Variants in CELF2 observed in about 807,000 individuals in gnomAD.
The protein encoded by CELF2 is CUG triplet repeat RNA-binding protein 2.
CELF2 carries 8 observed loss-of-function variants against 62.6 expected under a neutral mutation model. That is an observed-to-expected ratio of 0.13 (90% CI 0.07 to 0.23). The LOEUF is 0.23. Ranked by LOEUF, CELF2 falls within the 10% of genes least tolerant of loss-of-function variation. The pLI is 1.00. For synonymous variants in CELF2, 258 were observed against 250.0 expected, an observed-to-expected ratio of 1.03 and a Z score of -0.30; for missense variants, 333 against 671.0, an observed-to-expected ratio of 0.50 and a Z score of 5.56.
At chr10:10,791,671 T>C in the CELF2 span, among the ~76,000 whole-genome samples, 1 of 152,214 alleles carries the variant, frequency 6.6e-6, no homozygotes, top group Non-Finnish European at 1.5e-5. Flanking sequence ...TAAAAGTCTC[T>C]GTGAATTGTT....
the CELF2 span, among the ~76,000 whole-genome samples, chr10:10,773,308 C>A: frequency 3.9e-5 from 6 of 152,284 alleles, no homozygotes; most frequent in East Asian, 1.9e-4. Flanking sequence ...TAGGCACAAA[C>A]AAAAAGCTAT....
At chr10:10,686,304 AT>A in the CELF2 span, among the ~76,000 whole-genome samples, 5 of 36,598 alleles carry the variant, frequency 1.4e-4, no homozygotes, top group Admixed American at 3.0e-4. Flanking sequence ...GGGTTTTTGG[AT>A]TTTTTGGGGG....
intron 1 of CELF2, among the ~76,000 whole-genome samples, chr10:11,119,904 T>C (rs1180311315): frequency 1.4e-5 from 2 of 146,242 alleles, no homozygotes; most frequent in East Asian, 4.7e-4. Context: ...ATTGACATAT[T>C]ATTTGCATAT....
At position 10,997,299 on chromosome 10, in the gene CELF2, C is replaced by T. The variant is rs181889573; in HGVS notation, c.89+77300C>T. On this transcript the variant is annotated intron_variant, in intron 2 of 13. Transcript: ENST00000636488. The surrounding 1 kb of genome is among the most constrained non-coding windows in gnomAD (Gnocchi z 5.3). ...CCTGAGCAACAGAGCAAGACACCAT[C>T]TCTGAAAAAGTATAAAAAATGAAAA... Among the ~76,000 whole-genome samples, 43 of 152,308 alleles carry T rather than the reference C, an allele frequency of 2.8e-4. No homozygotes were observed. In the East Asian group the frequency reaches 7.5e-3, roughly 27 times the overall value.
At chr10:10,464,654 C>A in the CELF2 span, among the ~76,000 whole-genome samples, 1 of 152,046 alleles carries the variant, frequency 6.6e-6, no homozygotes, top group African/African-American at 2.4e-5. Context: ...GCTAGCAACA[C>A]CATTAAATGT....
chr10:10,569,489 G>A, the CELF2 span, among the ~76,000 whole-genome samples: 1 of 152,118 alleles, frequency 6.6e-6, no homozygotes, highest in African/African-American at 2.4e-5. Context: ...AATTATGGGA[G>A]CTACAATTCA....
chr10:11,155,557 TTC>T (rs1241001040), intron 1 of CELF2, among the ~76,000 whole-genome samples: 4 of 152,202 alleles, frequency 2.6e-5, no homozygotes, highest in Admixed American at 2.6e-4. Flanking sequence ...TGACATACGT[TTC>T]TGTCTGCTCT....
intron 2 of CELF2, chr10:10,937,319 A>G (rs892203579): frequency 1.3e-5 from 2 of 151,124 alleles, no homozygotes; most frequent in African/African-American, 4.9e-5. Context: ...TTTAGTAGAG[A>G]CAGGGTTTCC....
chr10:11,074,095 T>C (rs2071071080), intron 1 of CELF2, among the ~76,000 whole-genome samples: 1 of 152,206 alleles, frequency 6.6e-6, no homozygotes, highest in Non-Finnish European at 1.5e-5. Context: ...CTAAAGTATA[T>C]ACGAGTATGT....
chr10:10,575,272 T>A, the CELF2 span, among the ~76,000 whole-genome samples: 5 of 152,170 alleles, frequency 3.3e-5, no homozygotes, highest in African/African-American at 9.7e-5. Flanking sequence ...GGGTGTTAGA[T>A]GTAGAATAAG....
chr10:10,613,836 C>T, the CELF2 span, among the ~76,000 whole-genome samples: 10 of 152,054 alleles, frequency 6.6e-5, no homozygotes, highest in African/African-American at 1.7e-4. Context: ...AAAATAGAAA[C>T]GATTCTTTGG....
At chr10:10,923,714 A>T (rs915064079) in intron 2 of CELF2, 1 of 152,266 alleles carries the variant, frequency 6.6e-6, no homozygotes, top group Non-Finnish European at 1.5e-5. Context: ...TATTATAAAT[A>T]TTAAAACCAA....
the CELF2 span, among the ~76,000 whole-genome samples, chr10:10,726,946 G>A: frequency 2.0e-5 from 3 of 152,210 alleles, no homozygotes; most frequent in Non-Finnish European, 4.4e-5. Flanking sequence ...ATGGCGGAAG[G>A]CAAAGCCGAA....
At chr10:10,490,750 A>G in the CELF2 span, among the ~76,000 whole-genome samples, 3 of 152,150 alleles carry the variant, frequency 2.0e-5, no homozygotes, top group Non-Finnish European at 2.9e-5. Context: ...TTCTTTCCCC[A>G]TGTCTAAACC....
intron 1 of CELF2, among the ~76,000 whole-genome samples, chr10:11,096,791 T>C (rs941656600): frequency 6.6e-6 from 1 of 152,234 alleles, no homozygotes; most frequent in African/African-American, 2.4e-5. Context: ...ACCTGCTTAC[T>C]TGTCCTCTAT....
At chr10:10,870,945 G>T (rs930252110) in intron 1 of CELF2, among the ~76,000 whole-genome samples, 1 of 152,142 alleles carries the variant, frequency 6.6e-6, no homozygotes, top group Non-Finnish European at 1.5e-5. Context: ...GCAGTGGCCC[G>T]AAGTAGACAA....
At chr10:10,857,767 A>G (rs1187181166) in intron 1 of CELF2, among the ~76,000 whole-genome samples, 2 of 150,308 alleles carry the variant, frequency 1.3e-5, no homozygotes, top group Admixed American at 6.6e-5. Flanking sequence ...GTCAATAGAA[A>G]AAGACCCAGT....
At chr10:10,682,343 T>C in the CELF2 span, among the ~76,000 whole-genome samples, 1 of 152,240 alleles carries the variant, frequency 6.6e-6, no homozygotes, top group Admixed American at 6.5e-5. Context: ...TGTTACCCAT[T>C]GCTTCACCGT....
chr10:10,840,488 A>G (rs1220958737), intron 1 of CELF2, among the ~76,000 whole-genome samples: 1 of 152,042 alleles, frequency 6.6e-6, no homozygotes, highest in Admixed American at 6.5e-5. Flanking sequence ...TGTATACTTA[A>G]CTTGCCATGC....
Sources: allele counts gnomAD v4.1 joint callset (sites outside exome capture counted in the v4.1 genomes callset), GRCh38; gene constraint gnomAD v4.1.1; non-coding constraint Gnocchi (gnomAD v3.1); transcripts MANE v1.5; gene names NCBI Gene and HGNC (gene_info 2026-07-23, HGNC 2026-07-21).